Variants in PRKAG2 observed in about 807,000 individuals in gnomAD.
PRKAG2 encodes the protein 5'-AMP-activated protein kinase subunit gamma-2.
A neutral mutation model predicts 69.6 loss-of-function variants in PRKAG2; 26 were observed. The ratio of observed to expected loss-of-function variants is 0.37; its 90% CI spans 0.27 to 0.52. The LOEUF (loss-of-function observed/expected upper bound fraction) is 0.52. Ranked by LOEUF, PRKAG2 falls within the 20% of genes least tolerant of loss-of-function variation. The pLI is 0.90. For synonymous variants in PRKAG2, 293 were observed against 285.0 expected (o/e 1.03, Z -0.28); for missense variants, 557 against 740.0 (o/e 0.75, Z 2.87).
At chr7:151,558,120 C>T (rs1804169275) in intron 15 of PRKAG2, 4 of 985,404 alleles carry the variant, frequency 4.1e-6, no homozygotes, top group Non-Finnish European at 4.8e-6. Flanking sequence ...TGCCCACACA[C>T]TGGATGCACG....
At chr7:151,584,366 T>A (rs1233760619) in intron 6 of PRKAG2, among the ~76,000 whole-genome samples, 1 of 152,112 alleles carries the variant, frequency 6.6e-6, no homozygotes, top group Admixed American at 6.5e-5. Context: ...CCATGCCAAC[T>A]GTTAGCAGTC....
At chr7:151,747,449 C>T (rs2074353243) in intron 3 of PRKAG2, among the ~76,000 whole-genome samples, 1 of 152,172 alleles carries the variant, frequency 6.6e-6, no homozygotes, top group East Asian at 1.9e-4. Flanking sequence ...CCCAGTTACT[C>T]AGGAGGCTGA....
intron 5 of PRKAG2, among the ~76,000 whole-genome samples, chr7:151,597,827 C>CCG (rs1554482739): frequency 2.7e-5 from 4 of 149,042 alleles, no homozygotes; most frequent in African/African-American, 9.9e-5. Flanking sequence ...GGAGCCCCCC[C>CCG]CCCCGCTCTT....
chr7:151,632,358 C>T lies in PRKAG2; in HGVS notation c.685-220G>A, dbSNP rs1366944379. ...CGCCGCAGGTGGCGCGGCCGCGGCCCGCGTGCCCCTCCGCGAGTGGGACGC... is the reference window on the plus strand; with the variant it reads ...CGCCGCAGGTGGCGCGGCCGCGGCCTGCGTGCCCCTCCGCGAGTGGGACGC... On this transcript the variant is annotated intron_variant, in intron 4 of 15. Coordinates refer to ENST00000287878, the MANE Select transcript of PRKAG2 (RefSeq NM_016203.4). This position sits in a 1 kb window ranked among gnomAD's most constrained non-coding sequence, Gnocchi z 4.2. The T allele has an allele frequency of 5.7e-6, 3 of 528,204 alleles. No homozygotes were observed. The highest frequency in any genetic ancestry group is 7.2e-6 in the Non-Finnish European group (3 of 414,726). 32.7% of individuals were successfully genotyped at this position (528,204 alleles called of 1,614,324 possible).
rs745577821 is a variant in PRKAG2 at position 151,808,701 on chromosome 7, GA to G, written c.115-22161del. Reference sequence around the variant, plus strand: ...GCTTTGAGAAGGAAGGTGAACAGGAGAAAAAAAAAAATAGAGGCCTCAGAAA... The same window carrying G: ...GCTTTGAGAAGGAAGGTGAACAGGAGAAAAAAAAAATAGAGGCCTCAGAAA... On this transcript the variant is annotated intron_variant, in intron 1 of 15. Coordinates refer to ENST00000287878, the MANE Select transcript of PRKAG2 (RefSeq NM_016203.4). 6.4e-3 allele frequency among the ~76,000 whole-genome samples: 925 copies of G among 145,124 alleles called. 6 individuals carry two copies. The highest frequency in any genetic ancestry group is 0.032 in the Middle Eastern group (9 of 280).
chr7:151,635,706 C>A (rs1355506916), intron 4 of PRKAG2, among the ~76,000 whole-genome samples: 1 of 152,050 alleles, frequency 6.6e-6, no homozygotes, highest in Non-Finnish European at 1.5e-5. Context: ...GCCAGAGGTG[C>A]CTATGGCTAT....
chr7:151,660,815 G>A (rs1305964411), intron 4 of PRKAG2, among the ~76,000 whole-genome samples: 3 of 152,238 alleles, frequency 2.0e-5, no homozygotes, highest in African/African-American at 7.2e-5. Context: ...TTGTCTCAAA[G>A]AGGCGGGATT....
chr7:151,650,084 G>A (rs936836969), intron 4 of PRKAG2, among the ~76,000 whole-genome samples: 6 of 152,042 alleles, frequency 3.9e-5, no homozygotes, highest in Admixed American at 1.3e-4. Context: ...AGCCGGACAC[G>A]GTGGCACGCG....
chr7:151,782,430 AAAG>A, intron 2 of PRKAG2, among the ~76,000 whole-genome samples: 1 of 151,330 alleles, frequency 6.6e-6, no homozygotes, highest in Non-Finnish European at 1.5e-5. Flanking sequence ...GGAAGGAAAG[AAAG>A]AAGGAAAGAA....
At chr7:151,626,829 C>G (rs1823056262) in intron 5 of PRKAG2, among the ~76,000 whole-genome samples, 1 of 148,192 alleles carries the variant, frequency 6.7e-6, no homozygotes, top group African/African-American at 2.7e-5. Flanking sequence ...CTGTCCTACC[C>G]CCACGACATT....
rs1824915663 is a variant in PRKAG2 at position 151,632,535 on chromosome 7, C to A, written c.685-397G>T. 8.2e-6 allele frequency: 8 copies of A among 978,204 alleles called. No homozygotes were observed. Among genetic ancestry groups the A allele is most frequent in the Non-Finnish European group, 9.7e-6 (8 of 824,014 alleles). 60.6% of individuals were successfully genotyped at this position (978,204 alleles called of 1,614,324 possible). A position where few individuals can be genotyped will look rare whatever the true frequency, so the allele number is the denominator to read the frequency against. ...CCGTGCCGCCATTGGGAGAGGCCCG[C>A]GGCCCGCCCCCACTCCGCCCCCCGG... On this transcript the variant is annotated intron_variant, in intron 4 of 15. Transcript: ENST00000287878. This position sits in a 1 kb window ranked among gnomAD's most constrained non-coding sequence, Gnocchi z 4.2.
intron 1 of PRKAG2, among the ~76,000 whole-genome samples, chr7:151,870,351 C>T (rs2080192602): frequency 6.6e-6 from 1 of 152,192 alleles, no homozygotes; most frequent in Admixed American, 6.5e-5. Context: ...CACCCTCAGG[C>T]ATTCTGATTC....
In PRKAG2 at chr7:151,836,586, G is replaced by A. The variant is rs571534925; in HGVS notation, c.114+39921C>T. On this transcript the variant is annotated intron_variant, in intron 1 of 15. Coordinates refer to ENST00000287878, the MANE Select transcript of PRKAG2 (RefSeq NM_016203.4). This position sits in a 1 kb window ranked among gnomAD's most constrained non-coding sequence, Gnocchi z 4.1. ...CCCTTCCCAGTGTGAATTCCCCTCC[G>A]ATGGGGTGTGGAGGCTGGGGTAGTC... Among the ~76,000 whole-genome samples, 10 of 152,334 alleles carry A rather than the reference G, an allele frequency of 6.6e-5. No individual in the cohort carries two copies. The highest frequency in any genetic ancestry group is 2.1e-4 in the South Asian group (1 of 4,830).
At chr7:151,677,008 T>C (rs991423736) in intron 3 of PRKAG2, among the ~76,000 whole-genome samples, 1 of 152,332 alleles carries the variant, frequency 6.6e-6, no homozygotes. Flanking sequence ...AGAGAGAGCG[T>C]GGCGCTGCCA....
chr7:151,704,038 G>T (rs1046850293), intron 3 of PRKAG2, among the ~76,000 whole-genome samples: 3 of 151,754 alleles, frequency 2.0e-5, no homozygotes, highest in African/African-American at 7.3e-5. Context: ...CTCCAGCCTG[G>T]ATGACAGACC....
chr7:151,693,194 G>A (rs1475813165), intron 3 of PRKAG2, among the ~76,000 whole-genome samples: 2 of 152,192 alleles, frequency 1.3e-5, no homozygotes, highest in African/African-American at 2.4e-5. Context: ...TCTCTACAGC[G>A]GCTCTTGGCA....
At chr7:151,800,872 T>C (rs1407125442) in intron 1 of PRKAG2, among the ~76,000 whole-genome samples, 1 of 151,978 alleles carries the variant, frequency 6.6e-6, no homozygotes, top group African/African-American at 2.4e-5. Context: ...AGAAGCTCAA[T>C]GGTAACAGAG....
At chr7:151,809,852 T>C (rs886087169) in intron 1 of PRKAG2, 1 of 152,428 alleles carries the variant, frequency 6.6e-6, no homozygotes, top group African/African-American at 2.4e-5. Flanking sequence ...CCTGCTTTGA[T>C]GAATGGAACG....
At chr7:151,593,257 G>A (rs1450998875) in intron 6 of PRKAG2, among the ~76,000 whole-genome samples, 1 of 152,086 alleles carries the variant, frequency 6.6e-6, no homozygotes, top group African/African-American at 2.4e-5. Context: ...GCACAATCTC[G>A]GCTCACTGCA....
Sources: allele counts gnomAD v4.1 joint callset (sites outside exome capture counted in the v4.1 genomes callset), GRCh38; gene constraint gnomAD v4.1.1; non-coding constraint Gnocchi (gnomAD v3.1); transcripts MANE v1.5; gene names NCBI Gene and HGNC (gene_info 2026-07-23, HGNC 2026-07-21).